CAST: variants seen among roughly 807,000 people sequenced by gnomAD.
CAST encodes the protein MIR583 host.
In CAST, 76 loss-of-function variants were observed where a neutral mutation model predicts 119.6. The ratio of observed to expected loss-of-function variants is 0.64; its 90% confidence interval spans 0.53 to 0.77. CAST has a LOEUF of 0.77. CAST is among the 30% of genes least tolerant of loss of function. The pLI, the probability that CAST is intolerant of heterozygous loss-of-function variation, is 0.00. For missense variants in CAST, 953 were observed against 946.5 expected (o/e 1.01, Z -0.09); for synonymous variants, 319 against 331.6 (o/e 0.96, Z 0.41).
chr5:96,254,980 CT>C, the CAST span, among the ~76,000 whole-genome samples: 8 of 152,072 alleles, frequency 5.3e-5, no homozygotes, highest in African/African-American at 1.7e-4. Flanking sequence ...ATTCTTAATC[CT>C]ACTTAAAATC....
chr5:96,489,279 T>C, the CAST span, among the ~76,000 whole-genome samples: 1 of 152,198 alleles, frequency 6.6e-6, no homozygotes, highest in East Asian at 1.9e-4. Context: ...TTGAGGCAGA[T>C]CAAAGGATGC....
the CAST span, among the ~76,000 whole-genome samples, chr5:96,440,174 C>CT: frequency 7.9e-3 from 1,136 of 143,278 alleles, 7 homozygotes; most frequent in South Asian, 9.1e-3. Flanking sequence ...TTTATCCCAC[C>CT]TTTTTTTTTT....
At chr5:96,642,611 G>A (rs570411128) in intron 1 of CAST, among the ~76,000 whole-genome samples, 2 of 149,908 alleles carry the variant, frequency 1.3e-5, no homozygotes, top group South Asian at 2.1e-4. Context: ...TCCTGATCTC[G>A]GCTCAGTGCA....
chr5:96,418,593 A>T, the CAST span, among the ~76,000 whole-genome samples: 3 of 152,356 alleles, frequency 2.0e-5, no homozygotes, highest in African/African-American at 7.2e-5. Context: ...AAAGAACAAC[A>T]GCAATACTGA....
intron 1 of CAST, among the ~76,000 whole-genome samples, chr5:96,621,981 T>TC (rs1308656048): frequency 6.2e-5 from 9 of 145,856 alleles, no homozygotes; most frequent in Admixed American, 5.4e-4. Context: ...TTTTTTTTTT[T>TC]TTTTTTGAGA....
chr5:96,298,032 A>G, the CAST span, among the ~76,000 whole-genome samples: 2 of 152,218 alleles, frequency 1.3e-5, no homozygotes, highest in East Asian at 1.9e-4. Context: ...TACCACATAT[A>G]CAGATCTGTT....
the CAST span, among the ~76,000 whole-genome samples, chr5:96,235,756 A>G: frequency 6.6e-6 from 1 of 152,060 alleles, no homozygotes; most frequent in East Asian, 1.9e-4. Flanking sequence ...AATTCTAAAA[A>G]TCTCCTTAGA....
At chr5:96,051,309 G>A in the CAST span, among the ~76,000 whole-genome samples, 2 of 152,042 alleles carry the variant, frequency 1.3e-5, no homozygotes, top group East Asian at 1.9e-4. Flanking sequence ...ATATGTGGGA[G>A]TTGATGTTGG....
the CAST span, among the ~76,000 whole-genome samples, chr5:96,221,365 G>A: frequency 6.6e-6 from 1 of 152,034 alleles, no homozygotes; most frequent in Admixed American, 6.6e-5. Flanking sequence ...AAAACCTAAA[G>A]GCTCCATCAT....
the CAST span, among the ~76,000 whole-genome samples, chr5:96,462,225 A>G: frequency 6.6e-6 from 1 of 152,088 alleles, no homozygotes; most frequent in Non-Finnish European, 1.5e-5. Flanking sequence ...TTTGGCCCCT[A>G]GATTCTAAGC....
At chr5:96,411,644 C>T in the CAST span, among the ~76,000 whole-genome samples, 64 of 152,140 alleles carry the variant, frequency 4.2e-4, no homozygotes, top group Admixed American at 1.2e-3. Flanking sequence ...AAAGCATTTC[C>T]GCGCTTGGAA....
intron 3 of CAST, among the ~76,000 whole-genome samples, chr5:96,718,539 A>C (rs1227482633): frequency 6.7e-6 from 1 of 149,432 alleles, no homozygotes; most frequent in Non-Finnish European, 1.5e-5. Context: ...CCCTGAACCT[A>C]AAAGTTAAAA....
chr5:96,720,564 G>GA (rs1256357037), intron 3 of CAST, among the ~76,000 whole-genome samples: 2 of 152,214 alleles, frequency 1.3e-5, no homozygotes, highest in Non-Finnish European at 2.9e-5. Context: ...AGTGAGGGAA[G>GA]AAAACTTTCA....
At chr5:96,771,593 ATACT>A (rs1300135817) in intron 30 of CAST, 47 bp from the exon 31 acceptor site, 4 of 1,479,296 alleles carry the variant, frequency 2.7e-6, no homozygotes, top group Admixed American at 3.5e-5. Context: ...CCATCTCCTC[ATACT>A]TAATACAGAA....
At chr5:96,189,515 G>A in the CAST span, among the ~76,000 whole-genome samples, 5 of 152,216 alleles carry the variant, frequency 3.3e-5, no homozygotes, top group South Asian at 6.2e-4. Flanking sequence ...CAGTTTGATA[G>A]CTTATGTCTT....
chr5:96,610,934 A>G (rs1747349101), intron 1 of CAST, among the ~76,000 whole-genome samples: 1 of 151,996 alleles, frequency 6.6e-6, no homozygotes, highest in Non-Finnish European at 1.5e-5. Context: ...ACACACATAC[A>G]CACACACACG....
chr5:96,129,778 T>G, the CAST span, among the ~76,000 whole-genome samples: 2 of 152,076 alleles, frequency 1.3e-5, no homozygotes, highest in Non-Finnish European at 2.9e-5. Context: ...ATGAAATCAT[T>G]TAGAAAATGG....
chr5:95,976,571 C>T, the CAST span, among the ~76,000 whole-genome samples: 3 of 152,022 alleles, frequency 2.0e-5, no homozygotes, highest in African/African-American at 4.8e-5. Context: ...ATGGAAAGTA[C>T]TTTAAAGAGC....
At chr5:96,511,084 C>T in the CAST span, among the ~76,000 whole-genome samples, 3 of 152,140 alleles carry the variant, frequency 2.0e-5, no homozygotes, top group Non-Finnish European at 4.4e-5. Context: ...TGTGTTTCTC[C>T]TTCATGAGTT....
Sources: gnomAD v4.1 joint callset for allele counts (sites outside exome capture counted in the v4.1 genomes callset) on GRCh38, gnomAD v4.1.1 for gene constraint, MANE v1.5 for transcripts, NCBI Gene and HGNC (gene_info 2026-07-23, HGNC 2026-07-21) for gene names.